The following CNR1 variants were observed in gnomAD, a reference collection of about 807,000 sequenced individuals.
CNR1 encodes cannabinoid receptor 1, also known as cannabinoid receptor 1 (brain).
A neutral mutation model predicts 23.0 loss-of-function variants in CNR1; 10 were observed. The observed-to-expected ratio is 0.43, with a 90% CI of 0.27 to 0.74. The LOEUF (loss-of-function observed/expected upper bound fraction) is 0.74. Ranked by LOEUF, CNR1 falls within the 30% of genes least tolerant of loss-of-function variation. CNR1 has a pLI of 0.19. For synonymous variants in CNR1, 271 were observed against 255.2 expected, an observed-to-expected ratio of 1.06 and a Z score of -0.59; for missense variants, 422 against 618.8, an observed-to-expected ratio of 0.68 and a Z score of 3.37.
chr6:88,144,345 C>T lies in CNR1; in HGVS notation c.930G>A (p.Gln310=), dbSNP rs750508548. 4 of 1,613,726 alleles carry T rather than the reference C, an allele frequency of 2.5e-6. No individual in the cohort carries two copies. The highest frequency in any genetic ancestry group is 3.4e-6 in the Non-Finnish European group (4 of 1,180,034). The change falls in exon 2 of 2, where the codon CAG becomes CAA. Residue 310 remains glutamine, a synonymous_variant. Coordinates refer to ENST00000369501, the MANE Select transcript of CNR1 (RefSeq NM_016083.6). The surrounding 1 kb of genome is among the most constrained non-coding windows in gnomAD (Gnocchi z 7.8). ...TGATGATGCTCTTCTGGGTGCCACG[C>T]TGAATCATGCGGACGGCGTGGCTGT... The part of the protein sequence containing the change: ...KAHSHAVRMI[Q]RGTQKSIIIH...
At chr6:88,160,820 T>C (rs771998131) in intron 1 of CNR1, among the ~76,000 whole-genome samples, 7 of 152,224 alleles carry the variant, frequency 4.6e-5, no homozygotes, top group Non-Finnish European at 7.3e-5. Context: ...TTTTCAGGAC[T>C]CATATTGATT....
At chr6:88,157,538 G>C (rs1777867662) in intron 1 of CNR1, among the ~76,000 whole-genome samples, 1 of 151,986 alleles carries the variant, frequency 6.6e-6, no homozygotes, top group South Asian at 2.1e-4. Flanking sequence ...GAGGCAAAAG[G>C]GCATTGAGAA....
At chr6:88,152,214 CAAAAAAAAAA>C (rs56141409) in intron 1 of CNR1, among the ~76,000 whole-genome samples, 1 of 81,592 alleles carries the variant, frequency 1.2e-5, no homozygotes, top group Admixed American at 1.3e-4. Flanking sequence ...GACTCCGTCT[CAAAAAAAAAA>C]AAAAAAAAAA....
Position 88,151,416 on chromosome 6 carries a change from A to G in CNR1, c.-63-6079T>C, listed in dbSNP as rs1052238943. ...CACCTAGTCAATGGAATTAGGAGTT[A>G]GCAGACCAAGATTGGTGTTAGATGG... On this transcript the variant is annotated intron_variant, in intron 1 of 1. Coordinates refer to ENST00000369501, the MANE Select transcript of CNR1 (RefSeq NM_016083.6). Among the ~76,000 whole-genome samples, 4 of 152,190 alleles carry G rather than the reference A, an allele frequency of 2.6e-5. No homozygotes were observed. In the East Asian group the frequency reaches 7.7e-4, roughly 29 times the overall value.
Position 88,144,732 on chromosome 6 carries a change from G to T in CNR1, c.543C>A (p.His181Gln). Residue 181 changes from histidine to glutamine, a missense_variant, in exon 2 of 2, where the codon CAC (histidine) becomes CAA (glutamine). Physicochemically the swap from His to Gln is conservative, Grantham distance 24. This residue lies in a region of CNR1 where 211 missense variants were observed against 357.3 expected (regional missense o/e 0.59). Transcript: ENST00000369501. The surrounding 1 kb of genome is among the most constrained non-coding windows in gnomAD (Gnocchi z 7.8). ...GAAACACGTTGCGGCTATCTTTGCG[G>T]TGGAACACGTGGAAGTCAATGAAGC... is the stretch of plus-strand genomic sequence containing the variant. ...VYSFIDFHVF[H>Q]RKDSRNVFLF... is the part of the protein sequence containing the mutation. 2 of 1,614,190 alleles carry T rather than the reference G, an allele frequency of 1.2e-6. No homozygotes were observed. The highest frequency in any genetic ancestry group is 2.2e-5 in the South Asian group (2 of 91,080).
intron 1 of CNR1, among the ~76,000 whole-genome samples, chr6:88,164,012 A>G (rs1356705140): frequency 1.3e-5 from 2 of 152,232 alleles, no homozygotes; most frequent in Non-Finnish European, 2.9e-5. Context: ...TACACACTAA[A>G]TAATAATCAC....
At chr6:88,159,394 C>T (rs1331297282) in intron 1 of CNR1, among the ~76,000 whole-genome samples, 1 of 152,186 alleles carries the variant, frequency 6.6e-6, no homozygotes, top group Non-Finnish European at 1.5e-5. Flanking sequence ...ATGCAATTTA[C>T]ACTTTTCATA....
intron 1 of CNR1, among the ~76,000 whole-genome samples, chr6:88,164,803 T>C (rs1454750184): frequency 6.6e-6 from 1 of 152,146 alleles, no homozygotes; most frequent in African/African-American, 2.4e-5. Flanking sequence ...CTCTAAGAAA[T>C]TGCATTTCCC....
At chr6:88,153,396 G>C (rs555528202) in intron 1 of CNR1, among the ~76,000 whole-genome samples, 1 of 152,294 alleles carries the variant, frequency 6.6e-6, no homozygotes, top group Non-Finnish European at 1.5e-5. Context: ...AGTATTGGAA[G>C]GACTGGTGCT....
At chr6:88,152,899 A>C (rs1226092396) in intron 1 of CNR1, among the ~76,000 whole-genome samples, 1 of 152,188 alleles carries the variant, frequency 6.6e-6, no homozygotes, top group Non-Finnish European at 1.5e-5. Flanking sequence ...CTACTAGGAA[A>C]ATCATAATTG....
chr6:88,148,119 A>C (rs952412882), intron 1 of CNR1, among the ~76,000 whole-genome samples: 19 of 152,288 alleles, frequency 1.2e-4, no homozygotes, highest in African/African-American at 4.1e-4. Context: ...AGTTCCATAA[A>C]CACAGCAAAT....
intron 1 of CNR1, among the ~76,000 whole-genome samples, chr6:88,154,561 G>A (rs921498795): frequency 6.6e-6 from 1 of 152,134 alleles, no homozygotes; most frequent in Admixed American, 6.5e-5. Flanking sequence ...TACATACTGG[G>A]TAAAGAAAGC....
At chr6:88,164,114 T>C (rs1778246142) in intron 1 of CNR1, 2 of 152,368 alleles carry the variant, frequency 1.3e-5, no homozygotes, top group Admixed American at 1.3e-4. Flanking sequence ...TCTAATTTGC[T>C]TTCCTAACAA....
In CNR1 at chr6:88,145,176, G is replaced by C. The variant is rs1021828541; in HGVS notation, c.99C>G (p.Ile33Met). ...CTAATTTGGATGCCATGTCACCTTT[G>C]ATGTCTTCGTACTGAATGTCATTTG... ...VGSNDIQYED[I>M]KGDMASKLGY... is the part of the protein sequence containing the mutation. Residue 33 changes from isoleucine (I) to methionine (M), a missense_variant, in exon 2 of 2, where the codon ATC (isoleucine) becomes ATG (methionine). Transcript: ENST00000369501. 2.5e-6 allele frequency: 4 copies of C among 1,614,044 alleles called. No individual in the cohort carries two copies. Among genetic ancestry groups the C allele is most frequent in the Non-Finnish European group, 3.4e-6 (4 of 1,180,018 alleles).
chr6:88,163,445 T>G (rs1778208219), intron 1 of CNR1, among the ~76,000 whole-genome samples: 1 of 152,254 alleles, frequency 6.6e-6, no homozygotes, highest in African/African-American at 2.4e-5. Context: ...AATAGTTTAT[T>G]CTTACATAGC....
rs140719199 is a variant in CNR1 at position 88,144,432 on chromosome 6, C to G, written c.843G>C (p.Gly281=). 1,106 of 1,614,100 alleles carry G rather than the reference C, an allele frequency of 6.9e-4. 8 individuals carry two copies. The highest frequency in any genetic ancestry group is 4.4e-3 in the East Asian group (199 of 44,882). ...TGAACAGAAGCAGTACGCTGGTGAC[C>G]CCGATCCAGAACATCAGGTAGGTTT... ...IDETYLMFWI[G]VTSVLLLFIV... The change falls in exon 2 of 2, where the codon GGG becomes GGC. Residue 281 remains glycine, a synonymous_variant. Coordinates refer to ENST00000369501, the MANE Select transcript of CNR1 (RefSeq NM_016083.6). The surrounding 1 kb of genome is among the most constrained non-coding windows in gnomAD (Gnocchi z 7.8).
Position 88,143,909 on chromosome 6 carries a change from T to A in CNR1, c.1366A>T (p.Ile456Phe). Reference sequence around the variant, plus strand: ...GACACAGACATGGTTACCTTGGCAATCTTGACCGTGCTCTTGATGCAGCTT... The same window carrying A: ...GACACAGACATGGTTACCTTGGCAAACTTGACCGTGCTCTTGATGCAGCTT... Reference protein sequence around the residue: ...AESCIKSTVKIAKVTMSVSTD... With the variant: ...AESCIKSTVKFAKVTMSVSTD... Residue 456 changes from isoleucine (I) to phenylalanine (F), a missense_variant, in exon 2 of 2, where the codon ATT (isoleucine) becomes TTT (phenylalanine). By Grantham distance (21) the Ile-to-Phe change is conservative (BLOSUM62 0). Transcript: ENST00000369501. 6.2e-7 allele frequency: 1 copy of A among 1,614,052 alleles called. No individual in the cohort carries two copies. Among genetic ancestry groups the A allele is most frequent in the Non-Finnish European group, 8.5e-7 (1 of 1,179,992 alleles).
At chr6:88,145,529 G>C (rs1344236261) in intron 1 of CNR1, among the ~76,000 whole-genome samples, 192 bp from the exon 2 acceptor site, 10 of 152,202 alleles carry the variant, frequency 6.6e-5, no homozygotes, top group Non-Finnish European at 1.3e-4. Flanking sequence ...CCAAAGTTCA[G>C]GGATGGCGTG....
At chr6:88,158,050 G>T (rs1198648154) in intron 1 of CNR1, among the ~76,000 whole-genome samples, 3 of 152,150 alleles carry the variant, frequency 2.0e-5, no homozygotes, top group Non-Finnish European at 4.4e-5. Flanking sequence ...TAGTCGAAAT[G>T]TTTAGGAAAT....
Sources: gnomAD v4.1 joint callset for allele counts (sites outside exome capture counted in the v4.1 genomes callset) on GRCh38, gnomAD v4.1.1 for gene constraint, gnomAD v4.1.1 regional missense constraint, Gnocchi (gnomAD v3.1) non-coding constraint, MANE v1.5 for transcripts, NCBI Gene and HGNC (gene_info 2026-07-23, HGNC 2026-07-21) for gene names.